The following MAF variants were observed in gnomAD, a reference collection of about 807,000 sequenced individuals.
MAF encodes the protein transcription factor Maf.
MAF carries 10 observed loss-of-function variants against 22.0 expected under a neutral mutation model. The ratio of observed to expected loss-of-function variants is 0.45; its 90% CI spans 0.28 to 0.77. MAF has a LOEUF of 0.77. Ranked by LOEUF, MAF falls within the 30% of genes least tolerant of loss-of-function variation. MAF has a pLI of 0.12. For missense variants in MAF, 544 were observed against 548.4 expected (o/e 0.99, Z 0.08); for synonymous variants, 337 against 255.8 (o/e 1.32, Z -3.03).
chr16:79,570,654 G>A, the MAF span, among the ~76,000 whole-genome samples: 1 of 152,172 alleles, frequency 6.6e-6, no homozygotes, highest in Admixed American at 6.6e-5. Context: ...GTCAGGATAA[G>A]GAAACGGGCT....
the MAF span, among the ~76,000 whole-genome samples, chr16:79,249,585 A>C: frequency 1.3e-5 from 2 of 152,044 alleles, no homozygotes; most frequent in East Asian, 1.9e-4. Flanking sequence ...ATAAGAAATA[A>C]ATCTCTATTG....
the MAF span, among the ~76,000 whole-genome samples, chr16:79,218,387 T>C: frequency 6.6e-6 from 1 of 152,168 alleles, no homozygotes; most frequent in Non-Finnish European, 1.5e-5. Context: ...GAACTAATGG[T>C]TCAATTAGCA....
chr16:79,418,377 T>C, the MAF span, among the ~76,000 whole-genome samples: 1 of 152,070 alleles, frequency 6.6e-6, no homozygotes, highest in African/African-American at 2.4e-5. Context: ...AAAGCCTGAA[T>C]ACCTGTGTCC....
the MAF span, among the ~76,000 whole-genome samples, chr16:79,329,532 TC>T: frequency 1.3e-5 from 2 of 151,182 alleles, no homozygotes; most frequent in Non-Finnish European, 2.9e-5. Context: ...CCGTCTAGAG[TC>T]CCCCAAAATT....
the MAF span, among the ~76,000 whole-genome samples, chr16:79,513,265 G>A: frequency 6.6e-6 from 1 of 152,240 alleles, no homozygotes; most frequent in Non-Finnish European, 1.5e-5. Context: ...AGACGGAACA[G>A]GTTTTACAGC....
chr16:79,259,985 C>T, the MAF span, among the ~76,000 whole-genome samples: 21 of 152,282 alleles, frequency 1.4e-4, no homozygotes, highest in East Asian at 1.9e-3. Flanking sequence ...TGACACAGCA[C>T]AGTGCATAGT....
chr16:79,597,668 A>G, intron 1 of MAF: 1 of 1,020,602 alleles, frequency 9.8e-7, no homozygotes, highest in Non-Finnish European at 1.2e-6. Context: ...GTTTTGTTCT[A>G]AACTCAAAAA....
the MAF span, among the ~76,000 whole-genome samples, chr16:79,502,122 G>C: frequency 6.6e-6 from 1 of 152,110 alleles, no homozygotes. Context: ...TCCCAGCCGA[G>C]TACCCTCTCA....
At chr16:79,574,352 T>C in the MAF span, among the ~76,000 whole-genome samples, 10 of 152,224 alleles carry the variant, frequency 6.6e-5, no homozygotes, top group African/African-American at 2.2e-4. Context: ...AAATATTTTA[T>C]TGGTATCTGC....
chr16:79,301,837 C>T, the MAF span, among the ~76,000 whole-genome samples: 177 of 152,298 alleles, frequency 1.2e-3, no homozygotes, highest in African/African-American at 4.1e-3. Context: ...CCCATAATGA[C>T]CCTGTGAAAT....
the MAF span, among the ~76,000 whole-genome samples, chr16:79,249,731 G>A: frequency 3.3e-5 from 5 of 152,018 alleles, no homozygotes; most frequent in South Asian, 6.2e-4. Context: ...ACCCTCCCTG[G>A]CTGTTCCCCG....
At chr16:79,581,067 GC>G (rs1240359848), downstream of MAF, among the ~76,000 whole-genome samples, 1 of 152,094 alleles carries the variant, frequency 6.6e-6, no homozygotes, top group Non-Finnish European at 1.5e-5. Flanking sequence ...AGACTCACAC[GC>G]CTTCTAAAAT....
the MAF span, among the ~76,000 whole-genome samples, chr16:79,271,951 G>T: frequency 6.6e-6 from 1 of 152,220 alleles, no homozygotes; most frequent in Non-Finnish European, 1.5e-5. Flanking sequence ...GGCCCACACA[G>T]GATATGGGAT....
At chr16:79,569,955 A>C in the MAF span, among the ~76,000 whole-genome samples, 1 of 150,466 alleles carries the variant, frequency 6.6e-6, no homozygotes, top group Non-Finnish European at 1.5e-5. Context: ...AGGTGGTGGG[A>C]TCCTTTGCTG....
At chr16:79,311,005 C>T in the MAF span, among the ~76,000 whole-genome samples, 10 of 150,560 alleles carry the variant, frequency 6.6e-5, no homozygotes, top group East Asian at 6.1e-4. Context: ...GCTGCTGCTG[C>T]GGCTGCTTTT....
At chr16:79,410,591 G>T in the MAF span, among the ~76,000 whole-genome samples, 2 of 152,198 alleles carry the variant, frequency 1.3e-5, no homozygotes, top group African/African-American at 4.8e-5. Flanking sequence ...TCAAGGAGCT[G>T]CTCACATTCT....
At chr16:79,322,795 C>A in the MAF span, among the ~76,000 whole-genome samples, 1 of 152,076 alleles carries the variant, frequency 6.6e-6, no homozygotes, top group Non-Finnish European at 1.5e-5. Context: ...GTAGGAATGT[C>A]ACCCTGTAGT....
chr16:79,217,287 C>T, the MAF span, among the ~76,000 whole-genome samples: 2 of 152,160 alleles, frequency 1.3e-5, no homozygotes, highest in African/African-American at 4.8e-5. Context: ...GCTCCATCTG[C>T]CTTGAAGCCC....
At chr16:79,506,961 C>T in the MAF span, among the ~76,000 whole-genome samples, 1 of 152,176 alleles carries the variant, frequency 6.6e-6, no homozygotes. Context: ...CTCCTGGGTA[C>T]TTTGTGCTCA....
Sources: allele counts gnomAD v4.1 joint callset (sites outside exome capture counted in the v4.1 genomes callset), GRCh38; gene constraint gnomAD v4.1.1; transcripts MANE v1.5; gene names NCBI Gene and HGNC (gene_info 2026-07-23, HGNC 2026-07-21).